ARHGEF18: variants seen among roughly 807,000 people sequenced by gnomAD.
ARHGEF18 encodes the protein Rho/Rac guanine nucleotide exchange factor 18.
A neutral mutation model predicts 155.7 loss-of-function variants in ARHGEF18; 93 were observed. The observed-to-expected ratio is 0.60, with a 90% confidence interval of 0.50 to 0.71. The LOEUF (loss-of-function observed/expected upper bound fraction) is 0.71. Ranked by LOEUF, ARHGEF18 falls within the 30% of genes least tolerant of loss-of-function variation. The pLI is 0.00. For missense variants in ARHGEF18, 1,593 were observed against 1,816.1 expected (o/e 0.88, Z 2.23); for synonymous variants, 742 against 753.1 (o/e 0.99, Z 0.24).
At chr19:7,392,487 G>A (rs1971458365) in intron 10 of ARHGEF18, 1 of 151,074 alleles carries the variant, frequency 6.6e-6, no homozygotes, top group African/African-American at 2.4e-5. Flanking sequence ...ATCACTTGAG[G>A]TCAGGAGTTC....
In ARHGEF18 at chr19:7,395,167, G is replaced by A. The variant is rs529834005; in HGVS notation, c.967+11964G>A. 1,158 of 986,024 alleles carry A rather than the reference G, an allele frequency of 1.2e-3. No homozygotes were observed. Among genetic ancestry groups the A allele is most frequent in the Non-Finnish European group, 1.3e-3 (1,121 of 830,386 alleles). 61.1% of individuals were successfully genotyped at this position (986,024 alleles called of 1,614,324 possible). A position where few individuals can be genotyped will look rare whatever the true frequency, so the allele number is the denominator to read the frequency against. On this transcript the variant is annotated intron_variant, in intron 10 of 28. Coordinates refer to ENST00000668164, the MANE Select transcript of ARHGEF18 (RefSeq NM_001367823.1). This position sits in a 1 kb window ranked among gnomAD's most constrained non-coding sequence, Gnocchi z 5.0. ...GCTGCTAGCTACTGTGGATCTGGGG[G>A]GGCCGGACGGAGGCATCGGAGGCGG...
intron 14 of ARHGEF18, among the ~76,000 whole-genome samples, chr19:7,445,745 G>T (rs1000498495): frequency 1.3e-5 from 2 of 151,880 alleles, no homozygotes; most frequent in African/African-American, 4.8e-5. Flanking sequence ...TCAGCCTCCC[G>T]AGTAGCTGGG....
At chr19:7,376,590 G>T in intron 4 of ARHGEF18, 53 bp from the exon 5 acceptor site, 1 of 1,173,646 alleles carries the variant, frequency 8.5e-7, no homozygotes, top group Non-Finnish European at 1.1e-6. Flanking sequence ...CAGGGAACCT[G>T]CCTGCAGTCC....
intron 10 of ARHGEF18, among the ~76,000 whole-genome samples, chr19:7,401,185 G>A (rs370245945): frequency 2.6e-5 from 4 of 152,302 alleles, no homozygotes; most frequent in African/African-American, 9.6e-5. Context: ...AGGCAGCAAG[G>A]GATCAGCTCT....
In ARHGEF18 at chr19:7,357,712, G is replaced by A. The variant is rs1001824005; in HGVS notation, c.-110-5069G>A. On this transcript the variant is annotated intron_variant, in intron 1 of 28. Transcript: ENST00000668164. ...ACCCTCTTAAGCTCTGTAATTGGCT[G>A]TCTGGGCACCTAATAGGAATTTCCC... 2.0e-5 allele frequency among the ~76,000 whole-genome samples: 3 copies of A among 152,134 alleles called. No homozygotes were observed. In the East Asian group the frequency reaches 5.8e-4, roughly 29 times the overall value.
chr19:7,385,823 A>ATCTCTCTCTCTCTC (rs1288367668), intron 10 of ARHGEF18, among the ~76,000 whole-genome samples: 2 of 73,780 alleles, frequency 2.7e-5, no homozygotes, highest in African/African-American at 1.3e-4. Context: ...GATAGGATCT[A>ATCTCTCTCTCTCTC]TCTCTCTCTA....
chr19:7,456,925 G>A (rs781685453), intron 18 of ARHGEF18, among the ~76,000 whole-genome samples: 18 of 151,934 alleles, frequency 1.2e-4, no homozygotes, highest in Non-Finnish European at 2.1e-4. Flanking sequence ...TAGTAGAGAC[G>A]GGGTTTCACC....
chr19:7,466,381 CAAAAAA>C (rs3030730), intron 23 of ARHGEF18, among the ~76,000 whole-genome samples: 1 of 98,544 alleles, frequency 1.0e-5, no homozygotes, highest in Non-Finnish European at 2.0e-5. Context: ...AACTCCATCT[CAAAAAA>C]AAAAAAAAAA....
At chr19:7,361,402 C>T (rs1200274468) in intron 1 of ARHGEF18, among the ~76,000 whole-genome samples, 5 of 152,152 alleles carry the variant, frequency 3.3e-5, no homozygotes, top group African/African-American at 4.8e-5. Context: ...GGCGCCACTG[C>T]ACTCCAGCCT....
At chr19:7,373,763 C>T (rs140441880) in intron 3 of ARHGEF18, among the ~76,000 whole-genome samples, 2,066 of 151,700 alleles carry the variant, frequency 0.014, 44 homozygotes, top group African/African-American at 0.046. Context: ...TGTGAGCCAC[C>T]GCACCCAGCC....
chr19:7,475,050 G>A (rs912210943), downstream of ARHGEF18, among the ~76,000 whole-genome samples: 6 of 152,096 alleles, frequency 3.9e-5, no homozygotes, highest in Admixed American at 6.6e-5. Flanking sequence ...CCTGGGCAAC[G>A]TGGTGAAACC....
chr19:7,398,655 CA>C (rs1308799301), intron 10 of ARHGEF18, among the ~76,000 whole-genome samples: 1 of 149,824 alleles, frequency 6.7e-6, no homozygotes, highest in Non-Finnish European at 1.5e-5. Flanking sequence ...CACGCCATTG[CA>C]CTCCAGCCTG....
rs542077175 is a variant in ARHGEF18 at position 7,364,778 on chromosome 19, G to A, written c.15+1873G>A. On this transcript the variant is annotated intron_variant, in intron 2 of 28. Coordinates refer to ENST00000668164, the MANE Select transcript of ARHGEF18 (RefSeq NM_001367823.1). ...GCATCTAGGAGGTGCATCCTTAAGA[G>A]GGTAGGGGCCAGGGAGAGGTCTCGT... is the stretch of plus-strand genomic sequence containing the variant. Among the ~76,000 whole-genome samples the A allele has an allele frequency of 5.9e-5, 9 of 152,254 alleles. No individual in the cohort carries two copies. In the South Asian group the frequency reaches 1.9e-3, roughly 32 times the overall value.
In ARHGEF18 at chr19:7,439,648, TGC is replaced by T; in HGVS notation, c.968-695_968-694del. The stretch of plus-strand genomic sequence containing the variant: ...AATCGGAGCCTCGCGTCCACTTCGA[TGC>T]TAGAATTCTGTTCGAGTGCTGATGA... On this transcript the variant is annotated intron_variant, in intron 10 of 28. Transcript: ENST00000668164. The T allele has an allele frequency of 4.4e-6, 5 of 1,129,140 alleles. No homozygotes were observed. The South Asian group carries it at 9.5e-5, about 21-fold the overall frequency. The allele number at this position is 1,129,140 out of a possible 1,614,324, so 69.9% of individuals were successfully genotyped here.
At chr19:7,466,443 G>A (rs910125767) in intron 23 of ARHGEF18, among the ~76,000 whole-genome samples, 4 of 147,870 alleles carry the variant, frequency 2.7e-5, no homozygotes, top group Non-Finnish European at 5.9e-5. Flanking sequence ...TGTAGTCCCA[G>A]CTACTCAGGA....
At chr19:7,349,782 T>A (rs1177508611) in intron 1 of ARHGEF18, among the ~76,000 whole-genome samples, 2 of 151,864 alleles carry the variant, frequency 1.3e-5, no homozygotes, top group African/African-American at 4.8e-5. Context: ...ACGATAGAGC[T>A]CCTTGTAGCC....
In ARHGEF18 at chr19:7,470,113, C is replaced by G. The variant is rs1345509677; in HGVS notation, c.3914-13C>G. ...CCGGCGACTGCTCAGTCTGAACCCT[C>G]TCTCTGTTCCAGACCCTGGCTTCCC... On this transcript the variant is annotated splice_polypyrimidine_tract_variant and intron_variant, in intron 28 of 28. Transcript: ENST00000668164. This position sits in a 1 kb window ranked among gnomAD's most constrained non-coding sequence, Gnocchi z 5.9. 1.2e-6 allele frequency: 2 copies of G among 1,612,208 alleles called. No homozygotes were observed. The highest frequency in any genetic ancestry group is 1.7e-6 in the Non-Finnish European group (2 of 1,179,698).
rs1338918379 is a variant in ARHGEF18 at position 7,440,278 on chromosome 19, G to A, written c.968-66G>A. The A allele has an allele frequency of 1.3e-6, 2 of 1,565,022 alleles. No individual in the cohort carries two copies. Among genetic ancestry groups the A allele is most frequent in the African/African-American group, 1.4e-5 (1 of 73,664 alleles). Reference sequence around the variant, plus strand: ...CGGCCGCAGTCGGAGCGGGGCTTCCGCGCCGGGGACCTCCGCTACCCGACC... The same window carrying A: ...CGGCCGCAGTCGGAGCGGGGCTTCCACGCCGGGGACCTCCGCTACCCGACC... On this transcript the variant is annotated intron_variant, in intron 10 of 28. Transcript: ENST00000668164. The surrounding 1 kb of genome is among the most constrained non-coding windows in gnomAD (Gnocchi z 5.4).
intron 2 of ARHGEF18, among the ~76,000 whole-genome samples, chr19:7,368,868 T>C (rs1430396855): frequency 6.6e-6 from 1 of 151,952 alleles, no homozygotes; most frequent in Non-Finnish European, 1.5e-5. Context: ...TGTGGCTCTT[T>C]AGAAAGAGAC....
Sources: allele counts gnomAD v4.1 joint callset (sites outside exome capture counted in the v4.1 genomes callset), GRCh38; gene constraint gnomAD v4.1.1; non-coding constraint Gnocchi (gnomAD v3.1); transcripts MANE v1.5; gene names NCBI Gene and HGNC (gene_info 2026-07-23, HGNC 2026-07-21).